The following SWT1 variants were observed in gnomAD, a reference collection of about 807,000 sequenced individuals.
The protein encoded by SWT1 is transcriptional protein SWT1.
In SWT1, 33 loss-of-function variants were observed where a neutral mutation model predicts 107.3. That is an observed-to-expected ratio of 0.31 (90% confidence interval 0.23 to 0.41). The LOEUF (loss-of-function observed/expected upper bound fraction) is 0.41, where lower values mean the gene tolerates loss of function less well. Among genes scored for constraint, SWT1 ranks in the 10% least tolerant of loss-of-function variants. The probability of loss-of-function intolerance (pLI) is 1.00; values close to 1 mark genes in which losing one functional copy is unlikely to be tolerated. For synonymous variants in SWT1, 345 were observed against 348.3 expected (o/e 0.99, Z 0.11); for missense variants, 898 against 1,028.9 (o/e 0.87, Z 1.74).
At chr1:185,213,033 C>T (rs1308478715) in intron 13 of SWT1, among the ~76,000 whole-genome samples, 3 of 152,042 alleles carry the variant, frequency 2.0e-5, no homozygotes, top group Non-Finnish European at 2.9e-5. Flanking sequence ...AATTATTGGC[C>T]TTATATAAGC....
chr1:185,167,519 A>G (rs577427076), intron 3 of SWT1, among the ~76,000 whole-genome samples: 171 of 152,336 alleles, frequency 1.1e-3, no homozygotes, highest in Non-Finnish European at 2.0e-3. Flanking sequence ...TTGTTTTCAT[A>G]TAATTAAGCT....
At chr1:185,223,719 T>C (rs1017755703) in intron 15 of SWT1, among the ~76,000 whole-genome samples, 1 of 152,086 alleles carries the variant, frequency 6.6e-6, no homozygotes, top group Non-Finnish European at 1.5e-5. Flanking sequence ...ATCATGGGAG[T>C]TTGTTGTACA....
intron 18 of SWT1, among the ~76,000 whole-genome samples, chr1:185,288,878 G>A (rs962845102): frequency 1.3e-5 from 2 of 152,194 alleles, no homozygotes; most frequent in African/African-American, 4.8e-5. Context: ...GCTTTTGAGA[G>A]CCTGGCTGGC....
At position 185,262,514 on chromosome 1, in the gene SWT1, C is replaced by T. The variant is rs192936755; in HGVS notation, c.2442-8809C>T. 16 of 152,328 alleles carry T rather than the reference C, an allele frequency of 1.1e-4. No homozygotes were observed. The East Asian group carries it at 3.1e-3, about 29-fold the overall frequency. The allele number at this position is 152,328 out of a possible 1,614,324, so 9.4% of individuals were successfully genotyped here. A position where few individuals can be genotyped will look rare whatever the true frequency, so the allele number is the denominator to read the frequency against. ...CTTCTAATCATGAGGTACATGGCTCCCCAAAGCTGGGCCACCAGTATCTGT... is the reference window on the plus strand; with the variant it reads ...CTTCTAATCATGAGGTACATGGCTCTCCAAAGCTGGGCCACCAGTATCTGT... On this transcript the variant is annotated intron_variant, in intron 16 of 18. Coordinates refer to ENST00000367500, the MANE Select transcript of SWT1 (RefSeq NM_017673.7).
chr1:185,280,930 TGGAAACCAGAA>T, intron 18 of SWT1: 1 of 486,124 alleles, frequency 2.1e-6, no homozygotes, highest in South Asian at 1.6e-5. Flanking sequence ...TTGGTGAGGT[TGGAAACCAGAA>T]GCATGTTGGT....
intron 18 of SWT1, among the ~76,000 whole-genome samples, chr1:185,277,248 C>CTT (rs1664301583): frequency 6.6e-6 from 1 of 151,702 alleles, no homozygotes; most frequent in South Asian, 2.1e-4. Context: ...ACATCTTAGT[C>CTT]TTTATTTATT....
At chr1:185,245,413 C>T (rs1053254366) in intron 16 of SWT1, among the ~76,000 whole-genome samples, 1 of 152,118 alleles carries the variant, frequency 6.6e-6, no homozygotes, top group African/African-American at 2.4e-5. Context: ...CCTATGATAA[C>T]AGTGCCTTCT....
At chr1:185,249,608 G>C (rs1661862654) in intron 16 of SWT1, among the ~76,000 whole-genome samples, 1 of 152,048 alleles carries the variant, frequency 6.6e-6, no homozygotes, top group Non-Finnish European at 1.5e-5. Context: ...CTCTAGATGG[G>C]AAGTGCTGTG....
intron 4 of SWT1, among the ~76,000 whole-genome samples, chr1:185,173,737 C>T (rs980327083): frequency 3.3e-5 from 5 of 150,788 alleles, no homozygotes; most frequent in African/African-American, 9.8e-5. Context: ...TCGGATAGGC[C>T]GGGGTACAGT....
intron 1 of SWT1, among the ~76,000 whole-genome samples, chr1:185,159,456 A>G (rs1008654787): frequency 6.6e-6 from 1 of 152,218 alleles, no homozygotes; most frequent in Non-Finnish European, 1.5e-5. Context: ...GAAAAGTGAG[A>G]CGGGGATGGG....
chr1:185,267,918 A>C (rs1663520701), intron 16 of SWT1, among the ~76,000 whole-genome samples: 1 of 152,310 alleles, frequency 6.6e-6, no homozygotes, highest in African/African-American at 2.4e-5. Flanking sequence ...TGTGTGGGGA[A>C]TTACTAAGGC....
intron 10 of SWT1, among the ~76,000 whole-genome samples, chr1:185,198,566 A>G (rs1657600209): frequency 6.6e-6 from 1 of 152,098 alleles, no homozygotes; most frequent in African/African-American, 2.4e-5. Flanking sequence ...TTGGGAGTCT[A>G]AGTCTCTTTG....
chr1:185,257,748 C>T (rs1268682132), intron 16 of SWT1, among the ~76,000 whole-genome samples: 1 of 152,278 alleles, frequency 6.6e-6, no homozygotes, highest in African/African-American at 2.4e-5. Context: ...TTCTGCGTCG[C>T]TCACGCTGGT....
At chr1:185,261,940 A>C (rs1663047142) in intron 16 of SWT1, among the ~76,000 whole-genome samples, 1 of 152,192 alleles carries the variant, frequency 6.6e-6, no homozygotes, top group Non-Finnish European at 1.5e-5. Context: ...ATGAGGCAGT[A>C]ATAGGCTTGT....
In SWT1 at chr1:185,214,696, A is replaced by G. The variant is rs753551024; in HGVS notation, c.2121+41A>G. 5 of 1,530,108 alleles carry G rather than the reference A, an allele frequency of 3.3e-6. No individual in the cohort carries two copies. The South Asian group carries it at 6.1e-5, about 19-fold the overall frequency. 94.8% of individuals were successfully genotyped at this position (1,530,108 alleles called of 1,614,324 possible). A position where few individuals can be genotyped will look rare whatever the true frequency, so the allele number is the denominator to read the frequency against. Reference sequence around the variant, plus strand: ...AATGCCAGTTAGAGTAGCTAATTATACATGTTCTGAAAATGTGTTTAGCAG... The same window carrying G: ...AATGCCAGTTAGAGTAGCTAATTATGCATGTTCTGAAAATGTGTTTAGCAG... On this transcript the variant is annotated intron_variant, in intron 14 of 18. Coordinates refer to ENST00000367500, the MANE Select transcript of SWT1 (RefSeq NM_017673.7).
intron 10 of SWT1, among the ~76,000 whole-genome samples, chr1:185,198,344 G>T (rs1014793875): frequency 3.3e-5 from 5 of 152,212 alleles, no homozygotes; most frequent in Non-Finnish European, 7.3e-5. Flanking sequence ...TTGCTGAGGA[G>T]TGTTTTACTT....
intron 15 of SWT1, among the ~76,000 whole-genome samples, chr1:185,230,844 T>C (rs920842477): frequency 1.3e-5 from 2 of 151,892 alleles, no homozygotes; most frequent in Non-Finnish European, 2.9e-5. Flanking sequence ...GCCTCCTGGG[T>C]TCAAGCGATC....
intron 16 of SWT1, among the ~76,000 whole-genome samples, chr1:185,265,119 C>T (rs1663281287): frequency 6.6e-6 from 1 of 151,992 alleles, no homozygotes; most frequent in Non-Finnish European, 1.5e-5. Flanking sequence ...AAACTTTTAT[C>T]AAAAGTTTTT....
At chr1:185,177,001 A>AAAT in intron 5 of SWT1, 1 of 946,514 alleles carries the variant, frequency 1.1e-6, no homozygotes, top group Non-Finnish European at 1.3e-6. Context: ...AAAAAAAAAA[A>AAAT]GACTATGGAT....
Sources: allele counts gnomAD v4.1 joint callset (sites outside exome capture counted in the v4.1 genomes callset), GRCh38; gene constraint gnomAD v4.1.1; transcripts MANE v1.5; gene names NCBI Gene and HGNC (gene_info 2026-07-23, HGNC 2026-07-21).